The following COL11A1 variants were observed in gnomAD, a reference collection of about 807,000 sequenced individuals.
COL11A1 encodes the protein collagen type XI alpha 1 chain.
Under a neutral mutation model 265.2 loss-of-function variants are expected in COL11A1, and 74 were observed. The ratio of observed to expected loss-of-function variants is 0.28; its 90% confidence interval spans 0.23 to 0.34. The LOEUF is 0.34. Among genes scored for constraint, COL11A1 ranks in the 10% least tolerant of loss-of-function variants. The probability of loss-of-function intolerance (pLI) is 1.00; values close to 1 mark genes in which losing one functional copy is unlikely to be tolerated. For synonymous variants in COL11A1, 816 were observed against 727.6 expected (o/e 1.12, Z -1.96); for missense variants, 2,165 against 2,263.6 (o/e 0.96, Z 0.88).
At chr1:103,017,536 A>G (rs1571048076) in intron 11 of COL11A1, among the ~76,000 whole-genome samples, 1 of 152,178 alleles carries the variant, frequency 6.6e-6, no homozygotes, top group African/African-American at 2.4e-5. Flanking sequence ...CTGGAATTCA[A>G]ATTTGAAGAC....
intron 46 of COL11A1, among the ~76,000 whole-genome samples, chr1:102,923,593 TTA>T (rs999720366): frequency 1.3e-5 from 2 of 152,160 alleles, no homozygotes; most frequent in South Asian, 4.1e-4. Flanking sequence ...CAAATAAAAT[TTA>T]TGTTTTGTAT....
In COL11A1 at chr1:103,004,603, C is replaced by A; in HGVS notation, c.1899+5G>T. 1.2e-6 allele frequency: 2 copies of A among 1,607,218 alleles called. No homozygotes were observed. Among genetic ancestry groups the A allele is most frequent in the South Asian group, 2.2e-5 (2 of 90,496 alleles). On this transcript the variant is annotated splice_donor_5th_base_variant and intron_variant, in intron 19 of 66. Coordinates refer to ENST00000370096, the MANE Select transcript of COL11A1 (RefSeq NM_001854.4). ...TATTTCTTAAGAAAAGAAGTATTAACATACCCTCATTCCATCATCACCAGG... is the reference window on the plus strand; with the variant it reads ...TATTTCTTAAGAAAAGAAGTATTAAAATACCCTCATTCCATCATCACCAGG...
At chr1:102,983,655 G>C (rs1663250112) in intron 31 of COL11A1, among the ~76,000 whole-genome samples, 1 of 152,028 alleles carries the variant, frequency 6.6e-6, no homozygotes, top group Non-Finnish European at 1.5e-5. Flanking sequence ...CTCCAGAACT[G>C]TAAGGCAGTG....
chr1:103,048,626 C>A (rs949644765), intron 4 of COL11A1, among the ~76,000 whole-genome samples: 7 of 152,082 alleles, frequency 4.6e-5, no homozygotes, highest in African/African-American at 1.7e-4. Flanking sequence ...TTAGTTATTT[C>A]TTGCTTTATG....
At chr1:102,915,435 C>T (rs1210334121) in intron 50 of COL11A1, among the ~76,000 whole-genome samples, 196 bp downstream of exon 50, 2 of 152,094 alleles carry the variant, frequency 1.3e-5, no homozygotes, top group Non-Finnish European at 2.9e-5. Context: ...GATATTTTTT[C>T]AATTTGTTTA....
Position 102,898,730 on chromosome 1 carries a change from A to C in COL11A1, c.4184T>G (p.Val1395Gly). Residue 1395 changes from valine to glycine, a missense_variant, in exon 56 of 67, where the codon GTC becomes GGC. Val to Gly is a moderately radical substitution (Grantham distance 109). Transcript: ENST00000370096. The part of the protein sequence containing the change: ...AEGPPGKTGP[V>G]GPQGPAGKPG... ...CTTTCCTGCAGGTCCCTGAGGACCG[A>C]CTGGGCCGGTTTTTCCAGGAGGACC... is the stretch of plus-strand genomic sequence containing the variant. The C allele has an allele frequency of 6.2e-7, 1 of 1,613,144 alleles. No homozygotes were observed. Among genetic ancestry groups the C allele is most frequent in the Non-Finnish European group, 8.5e-7 (1 of 1,179,446 alleles).
intron 5 of COL11A1, among the ~76,000 whole-genome samples, chr1:103,026,576 A>G (rs780095521): frequency 6.6e-6 from 1 of 152,196 alleles, no homozygotes; most frequent in Admixed American, 6.5e-5. Flanking sequence ...GAAAACAAAA[A>G]ATTTGGAATA....
At chr1:102,967,314 CA>C (rs1661525010) in intron 37 of COL11A1, among the ~76,000 whole-genome samples, 4 of 128,394 alleles carry the variant, frequency 3.1e-5, no homozygotes, top group Non-Finnish European at 4.7e-5. Context: ...GATCTCGGCT[CA>C]CTGCAAGCTC....
chr1:103,045,758 T>A (rs536982184), intron 4 of COL11A1, among the ~76,000 whole-genome samples: 17 of 149,672 alleles, frequency 1.1e-4, no homozygotes, highest in African/African-American at 4.2e-4. Context: ...CCTAATGCTA[T>A]CCCTCCCCCC....
chr1:102,888,208 A>G (rs1651251301), intron 62 of COL11A1, among the ~76,000 whole-genome samples: 1 of 152,210 alleles, frequency 6.6e-6, no homozygotes, highest in Admixed American at 6.6e-5. Flanking sequence ...TAGTATCTTT[A>G]TAATGCACTA....
At chr1:103,064,619 A>T (rs1028345350) in intron 4 of COL11A1, among the ~76,000 whole-genome samples, 1 of 145,070 alleles carries the variant, frequency 6.9e-6, no homozygotes, top group Non-Finnish European at 1.5e-5. Flanking sequence ...TGAACCCGGG[A>T]GGCGGAGCTT....
At chr1:102,921,415 A>T in intron 48 of COL11A1, 103 bp downstream of exon 48, 1 of 943,686 alleles carries the variant, frequency 1.1e-6, no homozygotes, top group Non-Finnish European at 1.7e-6. Context: ...ACTTAATATT[A>T]AACAATAGTT....
intron 4 of COL11A1, among the ~76,000 whole-genome samples, chr1:103,043,557 A>C (rs1011887862): frequency 1.5e-4 from 23 of 152,122 alleles, no homozygotes; most frequent in African/African-American, 5.5e-4. Context: ...TCTCCTGGCC[A>C]ATAATTTATT....
intron 49 of COL11A1, among the ~76,000 whole-genome samples, chr1:102,918,294 T>C (rs78733122): frequency 0.059 from 9,001 of 151,918 alleles, 329 homozygotes; most frequent in Non-Finnish European, 0.085. Context: ...TTATAAAATA[T>C]GTATAAATCT....
chr1:102,935,800 G>C (rs993309617), intron 44 of COL11A1, among the ~76,000 whole-genome samples: 2 of 151,872 alleles, frequency 1.3e-5, no homozygotes, highest in Non-Finnish European at 1.5e-5. Context: ...TACTACTTGT[G>C]GGGGAACTGT....
In COL11A1 at chr1:102,952,177, C is replaced by A. The variant is rs550870166; in HGVS notation, c.3169-5221G>T. On this transcript the variant is annotated intron_variant, in intron 41 of 66. Coordinates refer to ENST00000370096, the MANE Select transcript of COL11A1 (RefSeq NM_001854.4). ...GCAGTGGTGCGATCTTGGCTCACTG[C>A]AACCTCCACCTCCCAGGTTCAAACG... Among the ~76,000 whole-genome samples, 5 of 152,218 alleles carry A rather than the reference C, an allele frequency of 3.3e-5. No individual in the cohort carries two copies. The South Asian group carries it at 8.3e-4, about 25-fold the overall frequency.
intron 46 of COL11A1, 50 bp from the exon 47 acceptor site, chr1:102,923,439 A>G (rs1656219935): frequency 6.9e-7 from 1 of 1,441,578 alleles, no homozygotes; most frequent in Non-Finnish European, 9.5e-7. Context: ...GTCTTTAAAA[A>G]AAAAAGTTTG....
At chr1:102,994,979 T>A (rs973243821) in intron 28 of COL11A1, among the ~76,000 whole-genome samples, 1 of 152,030 alleles carries the variant, frequency 6.6e-6, no homozygotes, top group African/African-American at 2.4e-5. Flanking sequence ...CAGGCACTTA[T>A]CAAACAACCA....
At chr1:103,070,129 G>A (rs770467004) in intron 4 of COL11A1, among the ~76,000 whole-genome samples, 11 of 151,040 alleles carry the variant, frequency 7.3e-5, no homozygotes, top group African/African-American at 1.2e-4. Flanking sequence ...CCATAACCTG[G>A]AAGTAACACA....
Sources: gnomAD v4.1 joint callset for allele counts (sites outside exome capture counted in the v4.1 genomes callset) on GRCh38, gnomAD v4.1.1 for gene constraint, MANE v1.5 for transcripts, NCBI Gene and HGNC (gene_info 2026-07-23, HGNC 2026-07-21) for gene names.